ARMC8: variants seen among roughly 807,000 people sequenced by gnomAD.
The protein encoded by ARMC8 is armadillo repeat containing 8, also known as armadillo repeat-containing protein 8.
Under a neutral mutation model 99.3 loss-of-function variants are expected in ARMC8, and 20 were observed. The observed-to-expected ratio is 0.20, with a 90% CI of 0.14 to 0.29. The LOEUF (loss-of-function observed/expected upper bound fraction) is 0.29, where lower values mean the gene tolerates loss of function less well. Among genes scored for constraint, ARMC8 ranks in the 10% least tolerant of loss-of-function variants. The pLI is 1.00. For missense variants in ARMC8, 569 were observed against 809.5 expected, an observed-to-expected ratio of 0.70 and a Z score of 3.60; for synonymous variants, 263 against 278.3, an observed-to-expected ratio of 0.95 and a Z score of 0.55.
chr3:138,288,747 C>T (rs1206743323), intron 19 of ARMC8, among the ~76,000 whole-genome samples: 3 of 151,710 alleles, frequency 2.0e-5, no homozygotes, highest in South Asian at 2.1e-4. Flanking sequence ...AGGCGATTCT[C>T]CTGCCTCAGC....
chr3:138,295,613 GC>G (rs1445295511), intron 21 of ARMC8, among the ~76,000 whole-genome samples: 2 of 152,216 alleles, frequency 1.3e-5, no homozygotes, highest in Non-Finnish European at 2.9e-5. Flanking sequence ...CTGAGCTGCA[GC>G]AGGTTTAAGT....
At chr3:138,190,884 A>G (rs2043344671) in intron 1 of ARMC8, among the ~76,000 whole-genome samples, 1 of 152,218 alleles carries the variant, frequency 6.6e-6, no homozygotes, top group Admixed American at 6.6e-5. Flanking sequence ...CAGTTTGTGA[A>G]TGGTGATTAG....
At chr3:138,285,882 G>A (rs2050357586) in intron 19 of ARMC8, among the ~76,000 whole-genome samples, 1 of 152,100 alleles carries the variant, frequency 6.6e-6, no homozygotes, top group African/African-American at 2.4e-5. Flanking sequence ...CACTTAAAAA[G>A]TTTTCCTTAA....
chr3:138,221,403 CTG>C (rs2045385130), intron 2 of ARMC8, among the ~76,000 whole-genome samples: 1 of 151,674 alleles, frequency 6.6e-6, no homozygotes, highest in South Asian at 2.1e-4. Context: ...TGAAGACTGA[CTG>C]TGATAAATTA....
intron 1 of ARMC8, among the ~76,000 whole-genome samples, chr3:138,188,924 A>G (rs1341662571): frequency 1.3e-5 from 2 of 152,218 alleles, no homozygotes; most frequent in African/African-American, 4.8e-5. Context: ...TTACCTAAGT[A>G]TTAGATCAGA....
chr3:138,219,177 G>A (rs2045252548), intron 2 of ARMC8, among the ~76,000 whole-genome samples: 1 of 152,120 alleles, frequency 6.6e-6, no homozygotes, highest in Non-Finnish European at 1.5e-5. Flanking sequence ...ATTAAGTAGT[G>A]GATATGGAAT....
At chr3:138,212,312 T>C (rs2044741107) in intron 2 of ARMC8, among the ~76,000 whole-genome samples, 1 of 151,012 alleles carries the variant, frequency 6.6e-6, no homozygotes, top group Admixed American at 6.6e-5. Flanking sequence ...AGTAATCTTT[T>C]TTTTTTTTTT....
chr3:138,187,716 C>T (rs1366522714), intron 1 of ARMC8, 117 bp downstream of exon 1: 3 of 1,147,998 alleles, frequency 2.6e-6, no homozygotes, highest in Non-Finnish European at 3.7e-6. Context: ...GACCCCGGCT[C>T]AGTCTCGGGC....
At position 138,198,582 on chromosome 3, in the gene ARMC8, G is replaced by A. The variant is rs1335092746; in HGVS notation, c.45+10983G>A. On this transcript the variant is annotated intron_variant, in intron 1 of 21. Coordinates refer to ENST00000469044, the MANE Select transcript of ARMC8 (RefSeq NM_001363941.2). ...GGCTAGAGTGCAGTGGCACCGTCTC[G>A]GCTCACTGCAACCTCCGCCTCCCGG... Among the ~76,000 whole-genome samples the A allele has an allele frequency of 2.6e-5, 4 of 151,604 alleles. No individual in the cohort carries two copies. The East Asian group carries it at 7.7e-4, about 29-fold the overall frequency.
chr3:138,256,402 CTTTTTTTTTTTTTTTT>C (rs71146121), intron 12 of ARMC8, among the ~76,000 whole-genome samples: 1 of 90,302 alleles, frequency 1.1e-5, no homozygotes, highest in Non-Finnish European at 2.1e-5. Flanking sequence ...TTTCCTCCTT[CTTTTTTTTTTTTTTTT>C]TTTTTTTTTG....
At position 138,296,006 on chromosome 3, in the gene ARMC8, T is replaced by C. The variant is rs895694862; in HGVS notation, c.*114T>C. 6.9e-6 allele frequency: 8 copies of C among 1,162,912 alleles called. No homozygotes were observed. Among genetic ancestry groups the C allele is most frequent in the Non-Finnish European group, 9.6e-6 (8 of 833,118 alleles). The allele number at this position is 1,162,912 out of a possible 1,614,324, so 72.0% of individuals were successfully genotyped here. A position where few individuals can be genotyped will look rare whatever the true frequency, so the allele number is the denominator to read the frequency against. On this transcript the variant is annotated 3_prime_UTR_variant, in exon 22 of 22. Transcript: ENST00000469044. ...CAAGTCACCTTGGACTGCAGGGAGC[T>C]GTTTTGCAAAAGCAGTTTAGTAGGC...
intron 5 of ARMC8, among the ~76,000 whole-genome samples, chr3:138,227,973 T>TTGTTTG (rs1157374248): frequency 6.6e-6 from 1 of 152,172 alleles, no homozygotes; most frequent in Admixed American, 6.5e-5. Flanking sequence ...CTTTCTTTTG[T>TTGTTTG]TGTTTGTTTT....
intron 12 of ARMC8, among the ~76,000 whole-genome samples, chr3:138,249,088 CTT>C (rs1454686119): frequency 6.6e-6 from 1 of 152,048 alleles, no homozygotes; most frequent in Non-Finnish European, 1.5e-5. Flanking sequence ...ATAGTTGACA[CTT>C]AATAAATAAT....
intron 12 of ARMC8, among the ~76,000 whole-genome samples, chr3:138,248,709 G>C (rs1255091441): frequency 6.6e-6 from 1 of 152,118 alleles, no homozygotes. Flanking sequence ...GTTGGAAGTT[G>C]AAAAAGGATT....
chr3:138,221,875 T>C (rs2045416623), intron 2 of ARMC8, 51 bp from the exon 3 acceptor site: 2 of 1,387,850 alleles, frequency 1.4e-6, no homozygotes, highest in South Asian at 2.3e-5. Flanking sequence ...ATCTTTGATT[T>C]TTCTTCAGTG....
intron 6 of ARMC8, among the ~76,000 whole-genome samples, chr3:138,232,084 C>A (rs1187756136): frequency 6.9e-6 from 1 of 144,982 alleles, no homozygotes; most frequent in Admixed American, 7.3e-5. Flanking sequence ...GATTCTCCTG[C>A]CACAGCCTCC....
chr3:138,237,277 C>T (rs2108154612), intron 7 of ARMC8, 32 bp from the exon 8 acceptor site: 1 of 1,592,916 alleles, frequency 6.3e-7, no homozygotes, highest in Non-Finnish European at 8.6e-7. Context: ...CAGAATTAAA[C>T]ACATTTTTTG....
chr3:138,246,137 C>G, intron 12 of ARMC8: 1 of 985,478 alleles, frequency 1.0e-6, no homozygotes, highest in East Asian at 1.1e-4. Context: ...TATGGAACAA[C>G]CTTACATTTG....
chr3:138,265,657 T>G (rs2048206262), intron 14 of ARMC8, among the ~76,000 whole-genome samples: 1 of 152,152 alleles, frequency 6.6e-6, no homozygotes, highest in Non-Finnish European at 1.5e-5. Context: ...GGGAGCAGAA[T>G]AGCATGAGGA....
Sources: gnomAD v4.1 joint callset for allele counts (sites outside exome capture counted in the v4.1 genomes callset) on GRCh38, gnomAD v4.1.1 for gene constraint, MANE v1.5 for transcripts, NCBI Gene and HGNC (gene_info 2026-07-23, HGNC 2026-07-21) for gene names.